The following LCOR variants were observed in gnomAD, a reference collection of about 807,000 sequenced individuals.
LCOR encodes the protein ligand-dependent corepressor.
Under a neutral mutation model 64.4 loss-of-function variants are expected in LCOR, and 14 were observed. That is an observed-to-expected ratio of 0.22 (90% CI 0.14 to 0.34). The LOEUF is 0.34. Among genes scored for constraint, LCOR ranks in the 10% least tolerant of loss-of-function variants. The pLI is 1.00. For missense variants in LCOR, 1,686 were observed against 1,765.3 expected (o/e 0.96, Z 0.80); for synonymous variants, 643 against 642.5 (o/e 1.00, Z -0.01).
At chr10:96,878,843 A>C (rs1431079554) in intron 2 of LCOR, among the ~76,000 whole-genome samples, 1 of 151,970 alleles carries the variant, frequency 6.6e-6, no homozygotes, top group African/African-American at 2.4e-5. Flanking sequence ...TGCAAGCTGT[A>C]GTGCAGCGAT....
chr10:96,885,602 T>C (rs1846330083), intron 2 of LCOR, among the ~76,000 whole-genome samples: 1 of 148,356 alleles, frequency 6.7e-6, no homozygotes, highest in Non-Finnish European at 1.5e-5. Flanking sequence ...CTTGCTGTGT[T>C]GCCCAAGCTG....
At chr10:96,977,483 G>A (rs1316633215) in intron 7 of LCOR, among the ~76,000 whole-genome samples, 1 of 152,062 alleles carries the variant, frequency 6.6e-6, no homozygotes, top group Non-Finnish European at 1.5e-5. Context: ...ATGATCCCAA[G>A]TATCAGGAAG....
At chr10:96,957,226 C>G (rs1847798783) in intron 7 of LCOR, 1 of 984,052 alleles carries the variant, frequency 1.0e-6, no homozygotes, top group Admixed American at 6.2e-5. Context: ...TTTTTGGCAT[C>G]CTACATAATA....
intron 2 of LCOR, among the ~76,000 whole-genome samples, chr10:96,886,650 T>C (rs1275736781): frequency 6.7e-6 from 1 of 150,180 alleles, no homozygotes; most frequent in Non-Finnish European, 1.5e-5. Flanking sequence ...TGGGTTGTTT[T>C]TTCCTTAAAT....
intron 2 of LCOR, among the ~76,000 whole-genome samples, chr10:96,889,165 A>G (rs1021123298): frequency 6.6e-6 from 1 of 152,118 alleles, no homozygotes; most frequent in African/African-American, 2.4e-5. Context: ...CCATTTCCAT[A>G]TTTCCTCCAT....
chr10:96,948,032 G>A (rs927137013), intron 5 of LCOR, among the ~76,000 whole-genome samples: 1 of 152,114 alleles, frequency 6.6e-6, no homozygotes, highest in Admixed American at 6.6e-5. Flanking sequence ...CTTCCTGATT[G>A]ACTATTATAG....
chr10:96,911,675 G>A (rs2134457926), intron 4 of LCOR, among the ~76,000 whole-genome samples: 1 of 152,282 alleles, frequency 6.6e-6, no homozygotes, highest in South Asian at 2.1e-4. Flanking sequence ...TATTTGAAAT[G>A]ACCAATTCTA....
chr10:96,841,095 G>C (rs1218196538), intron 2 of LCOR, among the ~76,000 whole-genome samples: 2 of 152,186 alleles, frequency 1.3e-5, no homozygotes, highest in Non-Finnish European at 2.9e-5. Flanking sequence ...AGTGAGTCAT[G>C]ATTGCATCAC....
chr10:96,983,198 A>C lies in LCOR; in HGVS notation c.2738A>C (p.Lys913Thr). Residue 913 changes from lysine (K) to threonine (T), a missense_variant, in exon 8 of 8, where the codon AAA becomes ACA. By Grantham distance (78) the Lys-to-Thr change is moderately conservative (BLOSUM62 -1). This residue lies in a region of LCOR where 1,293 missense variants were observed against 1,410.4 expected (regional missense o/e 0.92). Transcript: ENST00000421806. The surrounding 1 kb of genome is among the most constrained non-coding windows in gnomAD (Gnocchi z 4.5). ...GGGATCATCACCAGGCAGACTTTGA[A>C]AAACATGCTGGACAAAGAAGTCAAG... The part of the protein sequence containing the change: ...GGGIITRQTL[K>T]NMLDKEVKEL... 2 of 1,614,200 alleles carry C rather than the reference A, an allele frequency of 1.2e-6. No homozygotes were observed. Among genetic ancestry groups the C allele is most frequent in the Middle Eastern group, 1.6e-4 (1 of 6,062 alleles).
rs1208682802 is a variant in LCOR, at chr10:96,994,797, A to G, written c.*9663A>G. The G allele has an allele frequency of 6.6e-6, 1 of 152,240 alleles. No homozygotes were observed. The highest frequency in any genetic ancestry group is 6.5e-5 in the Admixed American group (1 of 15,286). 9.4% of individuals were successfully genotyped at this position (152,240 alleles called of 1,614,324 possible). On this transcript the variant is annotated 3_prime_UTR_variant, in exon 8 of 8. Transcript: ENST00000421806. ...CCCATATTAGCCTCACTTAATCTCA[A>G]TAGAAGCCTGCTGTTTACCCTCAGG...
At chr10:96,843,135 T>G (rs1199060035) in intron 2 of LCOR, among the ~76,000 whole-genome samples, 5 of 152,142 alleles carry the variant, frequency 3.3e-5, no homozygotes, top group African/African-American at 1.2e-4. Flanking sequence ...GTTTTGTTTG[T>G]TTTTTTGGAG....
At chr10:96,916,586 GCT>G in intron 4 of LCOR, among the ~76,000 whole-genome samples, 1 of 129,102 alleles carries the variant, frequency 7.7e-6, no homozygotes, top group South Asian at 3.1e-4. Context: ...ATATTTAAAG[GCT>G]ATATATATAT....
At chr10:96,941,179 A>T (rs1350333472) in intron 4 of LCOR, among the ~76,000 whole-genome samples, 1 of 72,560 alleles carries the variant, frequency 1.4e-5, no homozygotes, top group Non-Finnish European at 2.7e-5. Context: ...GCGGCTGGCC[A>T]GGCGGGGGGC....
intron 2 of LCOR, among the ~76,000 whole-genome samples, chr10:96,887,576 A>G (rs932705053): frequency 1.3e-5 from 2 of 152,018 alleles, no homozygotes; most frequent in Non-Finnish European, 2.9e-5. Context: ...AAAAAAAAAA[A>G]TACTACTTAA....
At chr10:96,891,141 A>G (rs554638904) in intron 2 of LCOR, among the ~76,000 whole-genome samples, 8 of 152,282 alleles carry the variant, frequency 5.3e-5, no homozygotes, top group Admixed American at 3.3e-4. Flanking sequence ...GGATTCACCA[A>G]TGAAGCCATA....
At chr10:96,912,599 T>TTCCTTCCTTC in intron 4 of LCOR, among the ~76,000 whole-genome samples, 1 of 110,798 alleles carries the variant, frequency 9.0e-6, no homozygotes, top group South Asian at 3.2e-4. Context: ...GATCTTCCTT[T>TTCCTTCCTTC]CTTCCTTTCT....
chr10:96,956,224 CTTT>C (rs973708263), intron 7 of LCOR: 1 of 1,061,116 alleles, frequency 9.4e-7, no homozygotes, highest in African/African-American at 1.7e-5. Flanking sequence ...AGCCTGCATG[CTTT>C]TTTGTTTTTT....
At chr10:96,881,469 T>G (rs545514368) in intron 2 of LCOR, among the ~76,000 whole-genome samples, 47 of 152,188 alleles carry the variant, frequency 3.1e-4, no homozygotes, top group African/African-American at 1.1e-3. Context: ...TTTGTTTTTT[T>G]TTTTGAGATG....
At chr10:96,943,343 C>T (rs1232052804) in intron 4 of LCOR, among the ~76,000 whole-genome samples, 3 of 152,170 alleles carry the variant, frequency 2.0e-5, no homozygotes, top group East Asian at 1.9e-4. Flanking sequence ...GTGATCCGCC[C>T]GCCTCGGCCT....
Sources: gnomAD v4.1 joint callset for allele counts (sites outside exome capture counted in the v4.1 genomes callset) on GRCh38, gnomAD v4.1.1 for gene constraint, gnomAD v4.1.1 regional missense constraint, Gnocchi (gnomAD v3.1) non-coding constraint, MANE v1.5 for transcripts, NCBI Gene and HGNC (gene_info 2026-07-23, HGNC 2026-07-21) for gene names.